The following CPEB3 variants were observed in gnomAD, a reference collection of about 807,000 sequenced individuals.
The protein encoded by CPEB3 is cytoplasmic polyadenylation element-binding protein 3.
In CPEB3, 20 loss-of-function variants were observed where a neutral mutation model predicts 67.2. The observed-to-expected ratio is 0.30, with a 90% CI of 0.21 to 0.43. The LOEUF (loss-of-function observed/expected upper bound fraction) is 0.43, where lower values mean the gene tolerates loss of function less well. CPEB3 is among the 20% of genes least tolerant of loss of function. The probability of loss-of-function intolerance (pLI) is 1.00; values close to 1 mark genes in which losing one functional copy is unlikely to be tolerated. For synonymous variants in CPEB3, 376 were observed against 393.1 expected (o/e 0.96, Z 0.51); for missense variants, 746 against 968.6 (o/e 0.77, Z 3.05).
At chr10:92,099,692 A>T (rs1261087302) in intron 7 of CPEB3, among the ~76,000 whole-genome samples, 1 of 41,390 alleles carries the variant, frequency 2.4e-5, no homozygotes, top group Non-Finnish European at 5.0e-5. Flanking sequence ...CATTTCTACT[A>T]AAAAAAAAAA....
chr10:92,125,816 C>T (rs1393185757), intron 6 of CPEB3, among the ~76,000 whole-genome samples: 2 of 151,914 alleles, frequency 1.3e-5, no homozygotes, highest in East Asian at 1.9e-4. Flanking sequence ...TTTACCTCCC[C>T]AGGCTCAGGT....
intron 1 of CPEB3, among the ~76,000 whole-genome samples, chr10:92,265,479 G>C (rs1373857874): frequency 6.6e-6 from 1 of 151,986 alleles, no homozygotes; most frequent in South Asian, 2.1e-4. Context: ...AAGACAGGGC[G>C]GGCACGGTGG....
At chr10:92,161,131 C>G (rs1010962122) in intron 4 of CPEB3, among the ~76,000 whole-genome samples, 1 of 152,142 alleles carries the variant, frequency 6.6e-6, no homozygotes, top group Non-Finnish European at 1.5e-5. Flanking sequence ...CTTGGCCTCC[C>G]AAAGTGCTGG....
rs553238861 is a variant in CPEB3, at chr10:92,158,863, C to T, written c.1223-13778G>A. Among the ~76,000 whole-genome samples, 19 of 152,308 alleles carry T rather than the reference C, an allele frequency of 1.2e-4. No individual in the cohort carries two copies. In the South Asian group the frequency reaches 3.7e-3, roughly 30 times the overall value. On this transcript the variant is annotated intron_variant, in intron 4 of 9. Transcript: ENST00000265997. ...AGCTAGACTGTGGTATCATGTATCACTAAAAGATCCTGTCAAGCGGAATGA... is the reference window on the plus strand; with the variant it reads ...AGCTAGACTGTGGTATCATGTATCATTAAAAGATCCTGTCAAGCGGAATGA...
At chr10:92,210,986 G>T (rs778235788) in intron 2 of CPEB3, among the ~76,000 whole-genome samples, 3 of 152,194 alleles carry the variant, frequency 2.0e-5, no homozygotes, top group Non-Finnish European at 4.4e-5. Flanking sequence ...ACAGGCAGAG[G>T]TTGCAGTGAG....
At chr10:92,097,324 C>T (rs1432381994) in intron 7 of CPEB3, among the ~76,000 whole-genome samples, 1 of 152,188 alleles carries the variant, frequency 6.6e-6, no homozygotes, top group African/African-American at 2.4e-5. Context: ...GGGCCCCACC[C>T]AGTCCATGAT....
intron 2 of CPEB3, among the ~76,000 whole-genome samples, chr10:92,203,922 T>C (rs1849657604): frequency 6.6e-6 from 1 of 152,190 alleles, no homozygotes; most frequent in South Asian, 2.1e-4. Flanking sequence ...CTTTTACATT[T>C]CTAAAGATGT....
rs1852158906 is a variant in CPEB3, at chr10:92,047,964, T to C, written c.*4248A>G. 1 of 152,272 alleles carries C rather than the reference T, an allele frequency of 6.6e-6. No individual in the cohort carries two copies. Among genetic ancestry groups the C allele is most frequent in the African/African-American group, 2.4e-5 (1 of 41,466 alleles). The allele number at this position is 152,272 out of a possible 1,614,324, so 9.4% of individuals were successfully genotyped here. Reference sequence around the variant, plus strand: ...AGGTGCTATTGCAATGACACATTAATGACTGTGCCTTAACTGCCCAGCTTC... The same window carrying C: ...AGGTGCTATTGCAATGACACATTAACGACTGTGCCTTAACTGCCCAGCTTC... On this transcript the variant is annotated 3_prime_UTR_variant, in exon 10 of 10. Coordinates refer to ENST00000265997, the MANE Select transcript of CPEB3 (RefSeq NM_014912.5).
intron 1 of CPEB3, among the ~76,000 whole-genome samples, chr10:92,274,921 T>C (rs1841909349): frequency 6.6e-6 from 1 of 152,180 alleles, no homozygotes; most frequent in African/African-American, 2.4e-5. Context: ...GCAAGGAAGA[T>C]TGATGAGATG....
In CPEB3 at chr10:92,081,817, A is replaced by G. The variant is rs188489857; in HGVS notation, c.1688-316T>C. Reference sequence around the variant, plus strand: ...TTCTAATTTCTAATTGCTTAGTCCAATGGAATGCACCCTGGGTAGGCAAGG... The same window carrying G: ...TTCTAATTTCTAATTGCTTAGTCCAGTGGAATGCACCCTGGGTAGGCAAGG... On this transcript the variant is annotated intron_variant, in intron 8 of 9. Coordinates refer to ENST00000265997, the MANE Select transcript of CPEB3 (RefSeq NM_014912.5). Among the ~76,000 whole-genome samples, 361 of 152,318 alleles carry G rather than the reference A, an allele frequency of 2.4e-3. 3 individuals are homozygous for G. The highest frequency in any genetic ancestry group is 3.5e-3 in the Non-Finnish European group (240 of 68,018).
chr10:92,280,395 T>C (rs1295120686), intron 1 of CPEB3, among the ~76,000 whole-genome samples: 4 of 103,580 alleles, frequency 3.9e-5, no homozygotes, highest in South Asian at 3.5e-4. Context: ...GAAAAAAAAC[T>C]AGATCCCTAA....
intron 4 of CPEB3, among the ~76,000 whole-genome samples, chr10:92,151,355 C>G (rs1160733247): frequency 6.6e-6 from 1 of 152,162 alleles, no homozygotes; most frequent in Non-Finnish European, 1.5e-5. Flanking sequence ...AGCAATCAGT[C>G]ACTTTGGGGG....
chr10:92,138,531 G>A (rs1361231141), intron 6 of CPEB3, among the ~76,000 whole-genome samples: 4 of 150,182 alleles, frequency 2.7e-5, no homozygotes, highest in Admixed American at 6.6e-5. Flanking sequence ...AAAAGGGAGG[G>A]TGAAAGATCT....
chr10:92,096,671 C>T (rs1843894974), intron 7 of CPEB3, among the ~76,000 whole-genome samples: 1 of 152,028 alleles, frequency 6.6e-6, no homozygotes, highest in Admixed American at 6.5e-5. Context: ...TGGCCAGGTG[C>T]AGTCGCTCAT....
intron 8 of CPEB3, among the ~76,000 whole-genome samples, chr10:92,086,304 T>C (rs1843370413): frequency 6.6e-6 from 1 of 152,196 alleles, no homozygotes; most frequent in Non-Finnish European, 1.5e-5. Flanking sequence ...AATTGTCAAG[T>C]TGGTTCAAGG....
At chr10:92,220,413 C>T (rs554859042) in intron 2 of CPEB3, among the ~76,000 whole-genome samples, 7 of 152,100 alleles carry the variant, frequency 4.6e-5, no homozygotes, top group South Asian at 2.1e-4. Flanking sequence ...TAAGAGCCAA[C>T]GATTTTTAAC....
chr10:92,206,734 C>CT (rs1849810726), intron 2 of CPEB3, among the ~76,000 whole-genome samples: 1 of 152,150 alleles, frequency 6.6e-6, no homozygotes, highest in Admixed American at 6.6e-5. Context: ...GATAGCTATA[C>CT]TTAAAGGTCA....
rs534587422 is a variant in CPEB3, at chr10:92,147,143, C to T, written c.1223-2058G>A. Among the ~76,000 whole-genome samples, 12 of 152,206 alleles carry T rather than the reference C, an allele frequency of 7.9e-5. No individual in the cohort carries two copies. In the South Asian group the frequency reaches 1.0e-3, roughly 13 times the overall value. On this transcript the variant is annotated intron_variant, in intron 4 of 9. Coordinates refer to ENST00000265997, the MANE Select transcript of CPEB3 (RefSeq NM_014912.5). ...TTCCACCTCAGAAAATAAAAGGCTA[C>T]GAAAAGTTCTACAGTAAAGAAACAT...
intron 7 of CPEB3, among the ~76,000 whole-genome samples, chr10:92,103,218 G>A (rs577691251): frequency 6.6e-6 from 1 of 152,302 alleles, no homozygotes; most frequent in East Asian, 1.9e-4. Flanking sequence ...ATGCCACTAG[G>A]TGAGACCCAC....
Sources: gnomAD v4.1 joint callset for allele counts (sites outside exome capture counted in the v4.1 genomes callset) on GRCh38, gnomAD v4.1.1 for gene constraint, MANE v1.5 for transcripts, NCBI Gene and HGNC (gene_info 2026-07-23, HGNC 2026-07-21) for gene names.